DNER: variants seen among roughly 807,000 people sequenced by gnomAD.
DNER encodes delta and Notch-like epidermal growth factor-related receptor.
Under a neutral mutation model 78.2 loss-of-function variants are expected in DNER, and 33 were observed. That is an observed-to-expected ratio of 0.42 (90% confidence interval 0.32 to 0.56). The LOEUF is 0.56. Ranked by LOEUF, DNER falls within the 20% of genes least tolerant of loss-of-function variation. The pLI is 0.11. For synonymous variants in DNER, 417 were observed against 384.8 expected (o/e 1.08, Z -0.98); for missense variants, 918 against 975.3 (o/e 0.94, Z 0.78).
At chr2:229,451,469 A>C (rs1290466558) in intron 7 of DNER, among the ~76,000 whole-genome samples, 1 of 152,152 alleles carries the variant, frequency 6.6e-6, no homozygotes, top group Non-Finnish European at 1.5e-5. Flanking sequence ...AAAATAAATA[A>C]ACAAATAAAT....
chr2:229,541,427 G>A (rs537630382), intron 5 of DNER, among the ~76,000 whole-genome samples: 22 of 152,084 alleles, frequency 1.4e-4, no homozygotes, highest in Non-Finnish European at 2.4e-4. Context: ...CTGTGAAGGT[G>A]TTTTTGGATG....
intron 8 of DNER, among the ~76,000 whole-genome samples, chr2:229,432,638 A>C (rs1694032707): frequency 6.6e-6 from 1 of 152,190 alleles, no homozygotes; most frequent in South Asian, 2.1e-4. Context: ...GTCTCAGTGC[A>C]GTCCCCAGAC....
chr2:229,437,713 G>T lies in DNER; in HGVS notation c.1486+9603C>A, dbSNP rs1694152590. ...GGAAGGCGTGCTACTGAAGGAACAT[G>T]TCATCAAAGCTATCTCAAAGTAGAG... On this transcript the variant is annotated intron_variant, in intron 8 of 12. Transcript: ENST00000341772. Among the ~76,000 whole-genome samples, 15 of 152,278 alleles carry T rather than the reference G, an allele frequency of 9.9e-5. No individual in the cohort carries two copies. In the South Asian group the frequency reaches 2.5e-3, roughly 25 times the overall value.
chr2:229,362,680 A>T (rs1366986105), intron 12 of DNER, among the ~76,000 whole-genome samples: 1 of 152,228 alleles, frequency 6.6e-6, no homozygotes, highest in Non-Finnish European at 1.5e-5. Context: ...TTTGTGAATG[A>T]TTTAGCACAG....
chr2:229,415,546 A>G (rs112010984), intron 9 of DNER, among the ~76,000 whole-genome samples: 354 of 152,294 alleles, frequency 2.3e-3, no homozygotes, highest in African/African-American at 7.9e-3. Flanking sequence ...TCACCATTAT[A>G]TTACCATTCA....
intron 6 of DNER, among the ~76,000 whole-genome samples, chr2:229,505,655 T>C (rs1239235840): frequency 6.6e-6 from 1 of 152,198 alleles, no homozygotes; most frequent in Non-Finnish European, 1.5e-5. Context: ...CCTTAAATTA[T>C]ATTAAACAAG....
At chr2:229,574,747 T>C (rs1037251569) in intron 4 of DNER, among the ~76,000 whole-genome samples, 3 of 152,190 alleles carry the variant, frequency 2.0e-5, no homozygotes, top group Non-Finnish European at 4.4e-5. Context: ...TTCTGGAAGT[T>C]TGCATATTTT....
intron 7 of DNER, among the ~76,000 whole-genome samples, chr2:229,454,587 C>T (rs1321577438): frequency 6.7e-6 from 1 of 149,578 alleles, no homozygotes; most frequent in Non-Finnish European, 1.5e-5. Flanking sequence ...AGTATACATA[C>T]TGAGGAGAGA....
At chr2:229,372,840 A>G (rs1483425919) in intron 11 of DNER, among the ~76,000 whole-genome samples, 1 of 151,948 alleles carries the variant, frequency 6.6e-6, no homozygotes, top group African/African-American at 2.4e-5. Context: ...GTTAGGGGGG[A>G]ATCAACCAGA....
In DNER at chr2:229,532,885, G is replaced by A. The variant is rs146496107; in HGVS notation, c.993+14062C>T. ...TGGCAGAGAAGGAAAAGGAGAGAAA[G>A]TGCCTTGGGAATAATAAGGGAGACA... On this transcript the variant is annotated intron_variant, in intron 5 of 12. Transcript: ENST00000341772. 6.6e-4 allele frequency among the ~76,000 whole-genome samples: 101 copies of A among 152,336 alleles called. 1 individual carries two copies. Among genetic ancestry groups the A allele is most frequent in the African/African-American group, 2.3e-3 (97 of 41,574 alleles).
At chr2:229,470,169 T>C (rs6709876) in intron 7 of DNER, among the ~76,000 whole-genome samples, 53,981 of 151,416 alleles carry the variant, frequency 0.36, 11,192 homozygotes, top group African/African-American at 0.59. Flanking sequence ...GTGCAGATCT[T>C]GACACACACC....
At chr2:229,378,535 G>T (rs947456057) in intron 11 of DNER, among the ~76,000 whole-genome samples, 1 of 152,188 alleles carries the variant, frequency 6.6e-6, no homozygotes, top group Non-Finnish European at 1.5e-5. Context: ...GCCTCTGAAG[G>T]CAGTGATCGA....
At chr2:229,415,939 C>A (rs566935566) in intron 9 of DNER, among the ~76,000 whole-genome samples, 178 of 152,346 alleles carry the variant, frequency 1.2e-3, no homozygotes, top group Non-Finnish European at 2.1e-3. Context: ...TTTATCCTTG[C>A]AGTTACAAAT....
intron 4 of DNER, among the ~76,000 whole-genome samples, chr2:229,554,901 A>G (rs1442038697): frequency 2.4e-4 from 23 of 97,546 alleles, no homozygotes; most frequent in African/African-American, 6.4e-4. Flanking sequence ...AGAAGAGAAG[A>G]GAAGAGAAGA....
At position 229,419,870 on chromosome 2, in the gene DNER, G is replaced by A. The variant is rs558608578; in HGVS notation, c.1487-1640C>T. On this transcript the variant is annotated intron_variant, in intron 8 of 12. Coordinates refer to ENST00000341772, the MANE Select transcript of DNER (RefSeq NM_139072.4). ...CAAAGGACATTTGAAAATGTTTGGA[G>A]ACATTTTTCGTTGTCACAACTGGAG... Among the ~76,000 whole-genome samples the A allele has an allele frequency of 2.0e-5, 3 of 149,814 alleles. No individual in the cohort carries two copies. In the East Asian group the frequency reaches 5.9e-4, roughly 29 times the overall value.
intron 12 of DNER, 124 bp from the exon 13 acceptor site, chr2:229,358,775 A>G (rs1400549968): frequency 1.3e-6 from 1 of 775,902 alleles, no homozygotes; most frequent in Non-Finnish European, 2.0e-6. Context: ...TTCTATAGCA[A>G]GCATAGAAAC....
chr2:229,631,102 G>A (rs544655014), intron 1 of DNER, among the ~76,000 whole-genome samples: 1 of 152,194 alleles, frequency 6.6e-6, no homozygotes, highest in Non-Finnish European at 1.5e-5. Flanking sequence ...ACAAACATGA[G>A]TATATGTGTC....
chr2:229,594,952 TAAAAAAAAAAAAAA>T (rs200824543), intron 1 of DNER, among the ~76,000 whole-genome samples: 65,512 of 102,038 alleles, frequency 0.64, 24,075 homozygotes, highest in Non-Finnish European at 0.81. Flanking sequence ...AAATGCTGTT[TAAAAAAAAAAAAAA>T]AAAAAAAAAA....
intron 4 of DNER, among the ~76,000 whole-genome samples, chr2:229,583,850 G>A (rs1697445838): frequency 6.6e-6 from 1 of 152,162 alleles, no homozygotes; most frequent in Non-Finnish European, 1.5e-5. Context: ...CATCCTGATA[G>A]TCAAACACCA....
Sources: gnomAD v4.1 joint callset for allele counts (sites outside exome capture counted in the v4.1 genomes callset) on GRCh38, gnomAD v4.1.1 for gene constraint, MANE v1.5 for transcripts, NCBI Gene and HGNC (gene_info 2026-07-23, HGNC 2026-07-21) for gene names.